Variants in PDE12 observed in about 807,000 individuals in gnomAD.
PDE12 encodes the protein 2',5'-phosphodiesterase 12.
PDE12 carries 26 observed loss-of-function variants against 45.4 expected under a neutral mutation model. The ratio of observed to expected loss-of-function variants is 0.57; its 90% CI spans 0.42 to 0.79. PDE12 has a LOEUF of 0.79. Ranked by LOEUF, PDE12 falls within the 30% of genes least tolerant of loss-of-function variation. PDE12 has a pLI of 0.00. For synonymous variants in PDE12, 283 were observed against 323.9 expected (o/e 0.87, Z 1.36); for missense variants, 668 against 790.0 (o/e 0.85, Z 1.85).
chr3:57,583,231 T>G, the PDE12 span, among the ~76,000 whole-genome samples: 1 of 152,182 alleles, frequency 6.6e-6, no homozygotes, highest in Admixed American at 6.5e-5. Context: ...TTTTAACAAA[T>G]ACCCAGGTGA....
the PDE12 span, among the ~76,000 whole-genome samples, chr3:57,579,253 C>CAA: frequency 1.1e-4 from 5 of 47,600 alleles, 1 homozygote; most frequent in African/African-American, 2.6e-4. Context: ...AACTACATCT[C>CAA]AAAAAAAAAA....
At chr3:57,609,613 A>G in the PDE12 span, among the ~76,000 whole-genome samples, 1 of 152,152 alleles carries the variant, frequency 6.6e-6, no homozygotes, top group African/African-American at 2.4e-5. Context: ...CACCTTTATG[A>G]AAATAAACTA....
chr3:57,580,789 T>A, the PDE12 span, among the ~76,000 whole-genome samples: 3 of 150,386 alleles, frequency 2.0e-5, no homozygotes, highest in East Asian at 3.9e-4. Context: ...TTTTTTTTTT[T>A]AAATGTAAAG....
At chr3:57,631,237 C>T in the PDE12 span, 11 of 373,320 alleles carry the variant, frequency 2.9e-5, no homozygotes, top group Admixed American at 8.8e-5. Context: ...TGTTCTGTTG[C>T]GCAGGCTGGA....
Position 57,556,465 on chromosome 3 carries a change from A to G in PDE12, c.86A>G (p.Gln29Arg). ...EKLSRAEAGS[Q>R]TAAGAMERAV... The stretch of plus-strand genomic sequence containing the variant: ...CTGAGCCGGGCTGAAGCGGGGAGCC[A>G]GACAGCGGCGGGAGCGATGGAGCGC... The change falls in exon 1 of 3, where the codon CAG (glutamine) becomes CGG (arginine). Residue 29 changes from glutamine to arginine, a missense_variant. Transcript: ENST00000311180. This position sits in a 1 kb window ranked among gnomAD's most constrained non-coding sequence, Gnocchi z 5.0. 6.2e-7 allele frequency: 1 copy of G among 1,613,320 alleles called. No homozygotes were observed. Among genetic ancestry groups the G allele is most frequent in the South Asian group, 1.1e-5 (1 of 91,076 alleles).
Position 57,560,745 on chromosome 3 carries a change from G to A in PDE12, c.*741G>A. On this transcript the variant is annotated 3_prime_UTR_variant, in exon 3 of 3. Coordinates refer to ENST00000311180, the MANE Select transcript of PDE12 (RefSeq NM_177966.7). ...ACATTCCAAAATGAATCATGCTTAT[G>A]TACTAAGAGGGAAAATGTATTTAAG... The A allele has an allele frequency of 1.0e-6, 1 of 985,006 alleles. No homozygotes were observed. Among genetic ancestry groups the A allele is most frequent in the Non-Finnish European group, 1.2e-6 (1 of 829,224 alleles). The allele number at this position is 985,006 out of a possible 1,614,324, so 61.0% of individuals were successfully genotyped here. A position where few individuals can be genotyped will look rare whatever the true frequency, so the allele number is the denominator to read the frequency against.
the PDE12 span, among the ~76,000 whole-genome samples, chr3:57,631,992 G>T: frequency 7.0e-6 from 1 of 143,606 alleles, no homozygotes; most frequent in South Asian, 2.2e-4. Context: ...AAAGTGCTGG[G>T]ATTACAGGCG....
the PDE12 span, among the ~76,000 whole-genome samples, chr3:57,574,020 C>A: frequency 6.6e-6 from 1 of 152,116 alleles, no homozygotes; most frequent in Non-Finnish European, 1.5e-5. Context: ...CGGCTCACTG[C>A]AACCTCTGCT....
the PDE12 span, among the ~76,000 whole-genome samples, chr3:57,580,214 C>T: frequency 6.6e-6 from 1 of 152,144 alleles, no homozygotes; most frequent in African/African-American, 2.4e-5. Flanking sequence ...TAATCCTTGA[C>T]TATGCCTCGT....
chr3:57,653,229 A>G, the PDE12 span, among the ~76,000 whole-genome samples: 1 of 152,216 alleles, frequency 6.6e-6, no homozygotes, highest in East Asian at 1.9e-4. Context: ...ACTGACTTTA[A>G]TAGTGGGATT....
the PDE12 span, among the ~76,000 whole-genome samples, chr3:57,632,058 TC>T: frequency 2.9e-5 from 4 of 140,122 alleles, no homozygotes; most frequent in East Asian, 8.6e-4. Flanking sequence ...TCTCACTCTT[TC>T]GCCCAGGCTG....
the PDE12 span, chr3:57,583,892 C>T: frequency 2.6e-6 from 4 of 1,564,036 alleles, no homozygotes. Context: ...ATACAGTATC[C>T]CTTACCTGGG....
At chr3:57,634,161 G>A in the PDE12 span, among the ~76,000 whole-genome samples, 1 of 152,062 alleles carries the variant, frequency 6.6e-6, no homozygotes, top group Non-Finnish European at 1.5e-5. Flanking sequence ...GGCAGGGCAC[G>A]GTGGCTGACG....
At chr3:57,648,331 C>A in the PDE12 span, among the ~76,000 whole-genome samples, 1 of 152,050 alleles carries the variant, frequency 6.6e-6, no homozygotes, top group South Asian at 2.1e-4. Context: ...TGACAAAACA[C>A]TGCTGAAAAA....
the PDE12 span, among the ~76,000 whole-genome samples, chr3:57,615,285 G>C: frequency 6.6e-6 from 1 of 152,040 alleles, no homozygotes; most frequent in South Asian, 2.1e-4. Context: ...TGTACACATG[G>C]AAAAAGAAAT....
At chr3:57,608,793 C>A in the PDE12 span, among the ~76,000 whole-genome samples, 1 of 151,960 alleles carries the variant, frequency 6.6e-6, no homozygotes, top group Non-Finnish European at 1.5e-5. Flanking sequence ...ATAACGGGAG[C>A]CTTTAACACC....
rs759867181 is a variant in PDE12, at chr3:57,559,297, C to G, written c.1309-13C>G. On this transcript the variant is annotated splice_polypyrimidine_tract_variant and intron_variant, in intron 1 of 2. Coordinates refer to ENST00000311180, the MANE Select transcript of PDE12 (RefSeq NM_177966.7). Reference sequence around the variant, plus strand: ...ATGCCAACTGAACTCTTGGCACTTTCCGTTTATTTTAGGTTTCAGTTCTTC... The same window carrying G: ...ATGCCAACTGAACTCTTGGCACTTTGCGTTTATTTTAGGTTTCAGTTCTTC... 2 of 1,586,122 alleles carry G rather than the reference C, an allele frequency of 1.3e-6. No homozygotes were observed. The highest frequency in any genetic ancestry group is 1.8e-5 in the Admixed American group (1 of 55,692).
chr3:57,599,080 T>C, the PDE12 span, among the ~76,000 whole-genome samples: 2 of 152,186 alleles, frequency 1.3e-5, no homozygotes, highest in Admixed American at 6.6e-5. Context: ...TTTGGTTTTA[T>C]ACATTCTAGG....
chr3:57,615,043 C>G, the PDE12 span, among the ~76,000 whole-genome samples: 1 of 148,474 alleles, frequency 6.7e-6, no homozygotes, highest in Non-Finnish European at 1.5e-5. Context: ...CGCCTGTAAT[C>G]CTGGGACCAC....
Sources: gnomAD v4.1 joint callset for allele counts (sites outside exome capture counted in the v4.1 genomes callset) on GRCh38, gnomAD v4.1.1 for gene constraint, Gnocchi (gnomAD v3.1) non-coding constraint, MANE v1.5 for transcripts, NCBI Gene and HGNC (gene_info 2026-07-23, HGNC 2026-07-21) for gene names.